Variants in VPS13B observed in about 807,000 individuals in gnomAD.
The protein encoded by VPS13B is vacuolar protein sorting 13 homolog B, also known as intermembrane lipid transfer protein VPS13B.
Under a neutral mutation model 426.4 loss-of-function variants are expected in VPS13B, and 285 were observed. That is an observed-to-expected ratio of 0.67 (90% CI 0.61 to 0.74). The LOEUF (loss-of-function observed/expected upper bound fraction) is 0.74, where lower values mean the gene tolerates loss of function less well. Among genes scored for constraint, VPS13B ranks in the 30% least tolerant of loss-of-function variants. The pLI, the probability that VPS13B is intolerant of heterozygous loss-of-function variation, is 0.00. For synonymous variants in VPS13B, 1,676 were observed against 1,676.4 expected (o/e 1.00, Z 0.01); for missense variants, 4,537 against 4,782.6 (o/e 0.95, Z 1.51).
At chr8:99,678,169 C>CT (rs1024155516) in intron 35 of VPS13B, among the ~76,000 whole-genome samples, 1 of 152,018 alleles carries the variant, frequency 6.6e-6, no homozygotes, top group Admixed American at 6.6e-5. Flanking sequence ...AGTCTTCAAA[C>CT]TTTTTTTTAC....
intron 35 of VPS13B, among the ~76,000 whole-genome samples, chr8:99,674,655 C>T (rs1830852131): frequency 6.6e-6 from 1 of 151,868 alleles, no homozygotes; most frequent in African/African-American, 2.4e-5. Context: ...TTTGTTTCTT[C>T]CTCTCGCTGT....
chr8:99,686,605 C>T (rs1416565910), intron 35 of VPS13B, among the ~76,000 whole-genome samples: 1 of 151,986 alleles, frequency 6.6e-6, no homozygotes, highest in East Asian at 1.9e-4. Context: ...CCACTTTCCA[C>T]AAGCAGTGGA....
At chr8:99,821,839 T>G (rs936835351) in intron 50 of VPS13B, among the ~76,000 whole-genome samples, 15 of 152,164 alleles carry the variant, frequency 9.9e-5, no homozygotes, top group African/African-American at 3.6e-4. Context: ...GTTCTGAGCA[T>G]AGAGTGAAAG....
intron 31 of VPS13B, among the ~76,000 whole-genome samples, chr8:99,558,112 A>C (rs1177703013): frequency 6.6e-6 from 1 of 152,162 alleles, no homozygotes; most frequent in Non-Finnish European, 1.5e-5. Flanking sequence ...TGGCAATAAT[A>C]ATAGCAGCAA....
chr8:99,102,922 G>C, intron 4 of VPS13B, 31 bp from the exon 5 acceptor site: 1 of 1,540,816 alleles, frequency 6.5e-7, no homozygotes, highest in Non-Finnish European at 9.0e-7. Context: ...GAGATTTGTG[G>C]CTAATTAAAT....
chr8:99,539,581 A>G (rs1259270235), intron 30 of VPS13B, among the ~76,000 whole-genome samples: 1 of 152,050 alleles, frequency 6.6e-6, no homozygotes, highest in Non-Finnish European at 1.5e-5. Flanking sequence ...CCCTGTCTCT[A>G]CAAAAAATTA....
At chr8:99,095,513 A>T (rs1195804696) in intron 3 of VPS13B, among the ~76,000 whole-genome samples, 1 of 152,140 alleles carries the variant, frequency 6.6e-6, no homozygotes, top group Non-Finnish European at 1.5e-5. Flanking sequence ...ACTCCTTATT[A>T]CTTAAAAACA....
At chr8:99,013,724 C>T in intron 1 of VPS13B, 36 bp from the exon 2 acceptor site, 2 of 1,602,894 alleles carry the variant, frequency 1.2e-6, no homozygotes, top group East Asian at 4.5e-5. Context: ...CTTCACTCTA[C>T]CGCCGACTTC....
intron 44 of VPS13B, among the ~76,000 whole-genome samples, chr8:99,810,567 A>G (rs906057856): frequency 2.0e-5 from 3 of 152,220 alleles, no homozygotes; most frequent in African/African-American, 7.2e-5. Context: ...AAATAAAAAG[A>G]GAACTCAACT....
At chr8:99,279,179 C>T (rs973322786) in intron 19 of VPS13B, among the ~76,000 whole-genome samples, 13 of 152,058 alleles carry the variant, frequency 8.5e-5, no homozygotes, top group African/African-American at 2.7e-4. Flanking sequence ...GCAGAGGTTG[C>T]GGTGAGCCAA....
rs1335990453 is a variant in VPS13B at position 99,209,646 on chromosome 8, A to T, written c.2515+16589A>T. 1.6e-6 allele frequency: 1 copy of T among 615,026 alleles called. No homozygotes were observed. The highest frequency in any genetic ancestry group is 2.2e-6 in the Non-Finnish European group (1 of 464,592). The allele number at this position is 615,026 out of a possible 1,614,324, so 38.1% of individuals were successfully genotyped here. A position where few individuals can be genotyped will look rare whatever the true frequency, so the allele number is the denominator to read the frequency against. ...GATCTTGAACTCCTGGCCTCAAATG[A>T]TCCTCCCACCTCAACCTCCTGAAGT... On this transcript the variant is annotated intron_variant, in intron 17 of 61. Coordinates refer to ENST00000357162, the MANE Select transcript of VPS13B (RefSeq NM_152564.5).
intron 24 of VPS13B, among the ~76,000 whole-genome samples, chr8:99,474,457 G>C (rs1399921838): frequency 6.6e-6 from 1 of 151,932 alleles, no homozygotes; most frequent in Non-Finnish European, 1.5e-5. Flanking sequence ...AAAGTGCTGG[G>C]ATTACAGGCA....
At chr8:99,393,728 G>C (rs547381049) in intron 21 of VPS13B, among the ~76,000 whole-genome samples, 1 of 152,162 alleles carries the variant, frequency 6.6e-6, no homozygotes, top group African/African-American at 2.4e-5. Flanking sequence ...TATTGTTTAT[G>C]AATTCTATTT....
At chr8:99,493,780 T>TAAAAAAAAAAAAAAAAAAAAAAAAAAAA (rs376555643) in intron 25 of VPS13B, among the ~76,000 whole-genome samples, 7 of 61,138 alleles carry the variant, frequency 1.1e-4, no homozygotes, top group East Asian at 4.6e-4. Flanking sequence ...AGACTCTATC[T>TAAAAAAAAAAAAAAAAAAAAAAAAAAAA]AAAAAAAAAA....
intron 21 of VPS13B, among the ~76,000 whole-genome samples, chr8:99,427,968 T>A (rs1816824980): frequency 6.6e-6 from 1 of 152,062 alleles, no homozygotes; most frequent in Non-Finnish European, 1.5e-5. Context: ...AACAGAGCCC[T>A]CAGAAATAAT....
rs779106396 is a variant in VPS13B, at chr8:99,134,699, G to A, written c.1274G>A (p.Cys425Tyr). 1.2e-6 allele frequency: 2 copies of A among 1,609,988 alleles called. No individual in the cohort carries two copies. Among genetic ancestry groups the A allele is most frequent in the Non-Finnish European group, 1.7e-6 (2 of 1,177,830 alleles). Residue 425 changes from cysteine (C) to tyrosine (Y), a missense_variant, in exon 9 of 62, where the codon TGT (cysteine) becomes TAT (tyrosine). By Grantham distance (194) the Cys-to-Tyr change is radical. Around this residue, in one of 2 missense-constraint regions of VPS13B, gnomAD observed 4,311 missense variants for 4,474.3 expected, o/e 0.96. Coordinates refer to ENST00000357162, the MANE Select transcript of VPS13B (RefSeq NM_152564.5). ...AAAGTAAAATCTAAAGAAGTATTGT[G>A]TTGGGAACAAGAAGGAACTACAGTT... The part of the protein sequence containing the change: ...PQKVKSKEVL[C>Y]WEQEGTTVEA...
At chr8:99,840,690 A>G (rs1176262383) in intron 54 of VPS13B, among the ~76,000 whole-genome samples, 1 of 151,814 alleles carries the variant, frequency 6.6e-6, no homozygotes, top group Non-Finnish European at 1.5e-5. Context: ...GAATATCAGA[A>G]CATACTTTGT....
At chr8:99,848,992 A>G in intron 55 of VPS13B, 98 bp downstream of exon 55, 1 of 1,163,600 alleles carries the variant, frequency 8.6e-7, no homozygotes, top group Non-Finnish European at 1.3e-6. Flanking sequence ...ATAATGTATT[A>G]AAGCTTTTGG....
intron 3 of VPS13B, among the ~76,000 whole-genome samples, chr8:99,061,587 G>A (rs1159765906): frequency 8.9e-6 from 1 of 112,334 alleles, no homozygotes; most frequent in Non-Finnish European, 2.0e-5. Context: ...CTTTGGGATT[G>A]AGTATATTTT....
Sources: gnomAD v4.1 joint callset for allele counts (sites outside exome capture counted in the v4.1 genomes callset) on GRCh38, gnomAD v4.1.1 for gene constraint, gnomAD v4.1.1 regional missense constraint, MANE v1.5 for transcripts, NCBI Gene and HGNC (gene_info 2026-07-23, HGNC 2026-07-21) for gene names.